Variants in PLD5 observed in about 807,000 individuals in gnomAD.
PLD5 encodes phospholipase D family member 5, also known as inactive phospholipase D5.
A neutral mutation model predicts 61.1 loss-of-function variants in PLD5; 36 were observed. That is an observed-to-expected ratio of 0.59 (90% CI 0.45 to 0.78). The LOEUF (loss-of-function observed/expected upper bound fraction) is 0.78, where lower values mean the gene tolerates loss of function less well. PLD5 is among the 30% of genes least tolerant of loss of function. PLD5 has a pLI of 0.00. For missense variants in PLD5, 515 were observed against 644.4 expected (o/e 0.80, Z 2.17); for synonymous variants, 243 against 242.8 (o/e 1.00, Z -0.01).
chr1:242,417,727 G>A (rs751217451), intron 1 of PLD5, among the ~76,000 whole-genome samples: 20 of 152,352 alleles, frequency 1.3e-4, no homozygotes, highest in African/African-American at 7.2e-5. Flanking sequence ...AATAGGTCCT[G>A]CTGTGGGAAT....
intron 8 of PLD5, 46 bp from the exon 9 acceptor site, chr1:242,100,828 C>T: frequency 7.6e-7 from 1 of 1,316,924 alleles, no homozygotes; most frequent in Non-Finnish European, 1.1e-6. Context: ...AGGAACGTTT[C>T]TGGTCTTGTC....
At chr1:242,105,103 T>G (rs1224399224) in intron 8 of PLD5, among the ~76,000 whole-genome samples, 1 of 152,160 alleles carries the variant, frequency 6.6e-6, no homozygotes, top group Non-Finnish European at 1.5e-5. Context: ...AGTGACAAAC[T>G]ATTTGGTAAA....
At chr1:242,377,823 C>T (rs1662052230) in intron 1 of PLD5, among the ~76,000 whole-genome samples, 1 of 152,106 alleles carries the variant, frequency 6.6e-6, no homozygotes, top group Non-Finnish European at 1.5e-5. Context: ...CAATTAGATA[C>T]TTCACACTAT....
chr1:242,318,117 CA>C (rs1353402424), intron 2 of PLD5, among the ~76,000 whole-genome samples: 1 of 152,036 alleles, frequency 6.6e-6, no homozygotes, highest in African/African-American at 2.4e-5. Context: ...AGAAGACAAA[CA>C]AAAAGGGAGT....
At chr1:242,336,492 G>C (rs982510066) in intron 2 of PLD5, among the ~76,000 whole-genome samples, 3 of 151,888 alleles carry the variant, frequency 2.0e-5, no homozygotes, top group African/African-American at 7.2e-5. Context: ...GGATCTATCT[G>C]TCTTAATACG....
chr1:242,394,445 T>A lies in PLD5; in HGVS notation c.190-46203A>T, dbSNP rs1486776045. Among the ~76,000 whole-genome samples the A allele has an allele frequency of 1.7e-4, 17 of 101,752 alleles. 3 individuals are homozygous for A. Among genetic ancestry groups the A allele is most frequent in the Non-Finnish European group, 2.5e-4 (13 of 52,698 alleles). The allele number at this position is 101,752 out of a possible 152,430, so 66.8% of individuals were successfully genotyped here. On this transcript the variant is annotated intron_variant, in intron 1 of 9. Transcript: ENST00000536534. Reference sequence around the variant, plus strand: ...ATGTGTGTATATGAGTATATATGTGTGTATATGAGTATATATGTGAACATA... The same window carrying A: ...ATGTGTGTATATGAGTATATATGTGAGTATATGAGTATATATGTGAACATA...
chr1:242,092,848 C>A (rs1299250566), intron 9 of PLD5, among the ~76,000 whole-genome samples: 1 of 152,108 alleles, frequency 6.6e-6, no homozygotes, highest in African/African-American at 2.4e-5. Flanking sequence ...CATTTGGCAC[C>A]CCTGAGAACA....
chr1:242,150,390 A>T (rs1234717086), intron 5 of PLD5, among the ~76,000 whole-genome samples: 1 of 151,778 alleles, frequency 6.6e-6, no homozygotes, highest in Non-Finnish European at 1.5e-5. Context: ...ATCAATTACT[A>T]TAAACTGAAT....
intron 1 of PLD5, among the ~76,000 whole-genome samples, chr1:242,512,197 G>A (rs146698932): frequency 6.6e-6 from 1 of 151,558 alleles, no homozygotes. Flanking sequence ...AGATCACGAG[G>A]TCAGGAGATC....
chr1:242,117,386 AT>A (rs35814106), intron 6 of PLD5, among the ~76,000 whole-genome samples: 111,479 of 148,736 alleles, frequency 0.75, 41,589 homozygotes, highest in Admixed American at 0.8. Context: ...TCCTCCATGA[AT>A]TTTTTTTTTT....
chr1:242,417,305 CAG>C (rs1553371584), intron 1 of PLD5, among the ~76,000 whole-genome samples: 1 of 152,192 alleles, frequency 6.6e-6, no homozygotes, highest in South Asian at 2.1e-4. Context: ...CTAGTTAAAA[CAG>C]GGATAGGGTG....
At chr1:242,233,356 G>C (rs960334110) in intron 4 of PLD5, among the ~76,000 whole-genome samples, 1 of 152,170 alleles carries the variant, frequency 6.6e-6, no homozygotes, top group Non-Finnish European at 1.5e-5. Flanking sequence ...AGGGTTTTAA[G>C]TTCAAATTCA....
At chr1:242,362,456 C>A (rs1661121921) in intron 1 of PLD5, among the ~76,000 whole-genome samples, 1 of 151,904 alleles carries the variant, frequency 6.6e-6, no homozygotes, top group South Asian at 2.1e-4. Context: ...TGTTAATTTC[C>A]ATGGTGGTCT....
intron 5 of PLD5, among the ~76,000 whole-genome samples, chr1:242,135,114 C>T (rs1187846490): frequency 6.6e-6 from 1 of 152,100 alleles, no homozygotes; most frequent in East Asian, 1.9e-4. Flanking sequence ...TAATGAAATG[C>T]ATACGGTTGT....
intron 3 of PLD5, among the ~76,000 whole-genome samples, chr1:242,283,304 A>T (rs1674825505): frequency 6.6e-6 from 1 of 152,058 alleles, no homozygotes; most frequent in Non-Finnish European, 1.5e-5. Context: ...CAAAATTGCT[A>T]CTCTTCCAGA....
intron 1 of PLD5, among the ~76,000 whole-genome samples, chr1:242,357,393 T>C (rs1421612521): frequency 6.6e-6 from 1 of 151,412 alleles, no homozygotes; most frequent in African/African-American, 2.4e-5. Context: ...TTATTATATG[T>C]CTTGGTGAAC....
chr1:242,382,516 GAACATTTA>G (rs1275949257), intron 1 of PLD5, among the ~76,000 whole-genome samples: 1 of 152,092 alleles, frequency 6.6e-6, no homozygotes, highest in East Asian at 1.9e-4. Context: ...AAGCAGGAGG[GAACATTTA>G]ACTCTGCCCC....
intron 1 of PLD5, among the ~76,000 whole-genome samples, chr1:242,402,367 A>G (rs1053724036): frequency 6.6e-6 from 1 of 152,168 alleles, no homozygotes; most frequent in African/African-American, 2.4e-5. Flanking sequence ...AGGTATTTTT[A>G]TGATTTCTTG....
chr1:242,325,355 C>T (rs867538804), intron 2 of PLD5, among the ~76,000 whole-genome samples: 4 of 9,668 alleles, frequency 4.1e-4, no homozygotes, highest in Non-Finnish European at 6.7e-4. Flanking sequence ...GCCTGCATGG[C>T]GAGATATATA....
Sources: allele counts gnomAD v4.1 joint callset (sites outside exome capture counted in the v4.1 genomes callset), GRCh38; gene constraint gnomAD v4.1.1; transcripts MANE v1.5; gene names NCBI Gene and HGNC (gene_info 2026-07-23, HGNC 2026-07-21).